RIMKLB: variants seen among roughly 807,000 people sequenced by gnomAD.
RIMKLB encodes the protein ribosomal modification protein rimK like family member B.
In RIMKLB, 7 loss-of-function variants were observed where a neutral mutation model predicts 32.0. The observed-to-expected ratio is 0.22, with a 90% CI of 0.12 to 0.41. The LOEUF (loss-of-function observed/expected upper bound fraction) is 0.41, where lower values mean the gene tolerates loss of function less well. Among genes scored for constraint, RIMKLB ranks in the 10% least tolerant of loss-of-function variants. RIMKLB has a pLI of 1.00. For missense variants in RIMKLB, 289 were observed against 498.7 expected (o/e 0.58, Z 4.00); for synonymous variants, 172 against 185.1 (o/e 0.93, Z 0.57).
intron 1 of RIMKLB, among the ~76,000 whole-genome samples, chr12:8,683,978 C>T (rs1207407062): frequency 6.6e-6 from 1 of 151,548 alleles, no homozygotes; most frequent in Non-Finnish European, 1.5e-5. Context: ...AAACTCCTGA[C>T]CTCAAGTGAA....
At chr12:8,769,310 A>T (rs1950221731) in intron 5 of RIMKLB, among the ~76,000 whole-genome samples, 1 of 151,932 alleles carries the variant, frequency 6.6e-6, no homozygotes, top group Non-Finnish European at 1.5e-5. Flanking sequence ...TTGGTGTGTG[A>T]CTAGCATAAT....
chr12:8,742,458 C>A, intron 2 of RIMKLB: 1 of 391,746 alleles, frequency 2.6e-6, no homozygotes, highest in Non-Finnish European at 5.0e-6. Flanking sequence ...CTACAAAGAG[C>A]ACATGGAGGA....
At chr12:8,782,753 GATA>G (rs1565444700) in intron 7 of RIMKLB, among the ~76,000 whole-genome samples, 6 of 152,080 alleles carry the variant, frequency 3.9e-5, no homozygotes, top group Admixed American at 2.0e-4. Context: ...AAGACAAAGT[GATA>G]ATAACACAAA....
Position 8,774,070 on chromosome 12 carries a change from A to C in RIMKLB, c.*286A>C, listed in dbSNP as rs1469515115. 5 of 1,144,382 alleles carry C rather than the reference A, an allele frequency of 4.4e-6. No homozygotes were observed. The African/African-American group carries it at 4.8e-5, about 11-fold the overall frequency. The allele number at this position is 1,144,382 out of a possible 1,614,324, so 70.9% of individuals were successfully genotyped here. On this transcript the variant is annotated 3_prime_UTR_variant, in exon 6 of 6. Coordinates refer to ENST00000535829, the MANE Select transcript of RIMKLB (RefSeq NM_001297776.2). Reference sequence around the variant, plus strand: ...TAAAAAATGTGTATGCTCATAGGCCATGAGGAACAAATACTTTTTTTTTTT... The same window carrying C: ...TAAAAAATGTGTATGCTCATAGGCCCTGAGGAACAAATACTTTTTTTTTTT...
chr12:8,739,297 C>G (rs1947285998), intron 2 of RIMKLB, among the ~76,000 whole-genome samples: 1 of 152,122 alleles, frequency 6.6e-6, no homozygotes, highest in Admixed American at 6.5e-5. Flanking sequence ...AGAGAGAGAG[C>G]ACGTGCACAA....
At chr12:8,739,641 T>G (rs1433119590) in intron 2 of RIMKLB, among the ~76,000 whole-genome samples, 1 of 152,180 alleles carries the variant, frequency 6.6e-6, no homozygotes, top group African/African-American at 2.4e-5. Flanking sequence ...GGACTGATTT[T>G]TAAAAATTTT....
downstream of RIMKLB, chr12:8,777,327 AGAAATCTGCTGTT>A: frequency 1.0e-6 from 1 of 990,336 alleles, no homozygotes; most frequent in Non-Finnish European, 1.2e-6. Context: ...AGTAGTGGAC[AGAAATCTGCTGTT>A]GGAATCTTCT....
intron 2 of RIMKLB, among the ~76,000 whole-genome samples, chr12:8,719,460 C>A (rs1591725072): frequency 6.6e-6 from 1 of 152,178 alleles, no homozygotes; most frequent in South Asian, 2.1e-4. Context: ...CCTCCACCTC[C>A]CAGATTCAAG....
chr12:8,752,859 G>C (rs1030866393), intron 4 of RIMKLB, among the ~76,000 whole-genome samples: 2 of 151,808 alleles, frequency 1.3e-5, no homozygotes, highest in South Asian at 2.1e-4. Flanking sequence ...TCCTGCCTCA[G>C]CCTCCCAAGT....
rs199579507 is a variant in RIMKLB at position 8,773,616 on chromosome 12, G to A, written c.993G>A (p.Pro331=). Reference sequence around the variant, plus strand: ...CCACTGCCAGTGAGACTAGTGAGCCGGAGCTGGGTCCCCCAGCCAGCACTG... The same window carrying A: ...CCACTGCCAGTGAGACTAGTGAGCCAGAGCTGGGTCCCCCAGCCAGCACTG... ...VVSTASETSE[P]ELGPPASTAV... The change falls in exon 6 of 6, where the codon CCG becomes CCA. Residue 331 remains proline, a synonymous_variant. Transcript: ENST00000535829. 8.9e-5 allele frequency: 144 copies of A among 1,614,222 alleles called. 1 individual carries two copies. The highest frequency in any genetic ancestry group is 8.9e-4 in the East Asian group (40 of 44,888).
intron 1 of RIMKLB, among the ~76,000 whole-genome samples, chr12:8,688,423 G>A (rs1942640281): frequency 6.6e-6 from 1 of 152,080 alleles, no homozygotes; most frequent in African/African-American, 2.4e-5. Flanking sequence ...TTAGGGAAAG[G>A]GGAATGAGAA....
rs1266995742 is a variant in RIMKLB, at chr12:8,776,395, CAA to C, written c.*2613_*2614del. ...TCATTCTGGAAGTACCTTAAGGAAA[CAA>C]ACAGCAGCAGATATTTAGGTTAAAC... On this transcript the variant is annotated 3_prime_UTR_variant, in exon 6 of 6. Transcript: ENST00000535829. 5 of 977,510 alleles carry C rather than the reference CAA, an allele frequency of 5.1e-6. No individual in the cohort carries two copies. The African/African-American group carries it at 7.0e-5, about 14-fold the overall frequency. 60.6% of individuals were successfully genotyped at this position (977,510 alleles called of 1,614,324 possible).
intron 5 of RIMKLB, among the ~76,000 whole-genome samples, chr12:8,761,888 C>T (rs1249838256): frequency 6.6e-6 from 1 of 152,110 alleles, no homozygotes; most frequent in Non-Finnish European, 1.5e-5. Context: ...TCATTAACAT[C>T]GGAGCATGGG....
chr12:8,729,182 A>G (rs1946313875), intron 2 of RIMKLB, among the ~76,000 whole-genome samples: 1 of 152,164 alleles, frequency 6.6e-6, no homozygotes. Flanking sequence ...TAACAGCTCA[A>G]TGGAGGGTCA....
chr12:8,777,705 A>G (rs1181736814), downstream of RIMKLB: 2 of 1,283,756 alleles, frequency 1.6e-6, no homozygotes, highest in Non-Finnish European at 2.0e-6. Flanking sequence ...TTTCGGGGTC[A>G]GTGCCCTTCT....
chr12:8,778,156 G>C (rs1950841606), downstream of RIMKLB, among the ~76,000 whole-genome samples: 1 of 152,026 alleles, frequency 6.6e-6, no homozygotes, highest in Non-Finnish European at 1.5e-5. Flanking sequence ...GCTTTTTCAG[G>C]GGTTGGTGTT....
intron 1 of RIMKLB, among the ~76,000 whole-genome samples, chr12:8,689,345 C>T (rs1404734281): frequency 6.6e-6 from 1 of 152,210 alleles, no homozygotes; most frequent in East Asian, 1.9e-4. Flanking sequence ...AAAGAGACGT[C>T]CTCGTTGGGA....
chr12:8,725,919 T>C (rs1175301883), intron 2 of RIMKLB, among the ~76,000 whole-genome samples: 1 of 152,058 alleles, frequency 6.6e-6, no homozygotes, highest in East Asian at 1.9e-4. Flanking sequence ...GCGATCTTGG[T>C]TCACTGCAAC....
At chr12:8,750,113 A>T (rs752562790) in intron 3 of RIMKLB, 21 bp downstream of exon 3, 1 of 1,448,606 alleles carries the variant, frequency 6.9e-7, no homozygotes. Flanking sequence ...TAAAGAGCAT[A>T]CATAGCCTGA....
Sources: allele counts gnomAD v4.1 joint callset (sites outside exome capture counted in the v4.1 genomes callset), GRCh38; gene constraint gnomAD v4.1.1; transcripts MANE v1.5; gene names NCBI Gene and HGNC (gene_info 2026-07-23, HGNC 2026-07-21).